The following LONRF2 variants were observed in gnomAD, a reference collection of about 807,000 sequenced individuals.
The protein encoded by LONRF2 is LON peptidase N-terminal domain and ring finger 2, also known as LON peptidase N-terminal domain and RING finger protein 2.
A neutral mutation model predicts 66.6 loss-of-function variants in LONRF2; 35 were observed. The observed-to-expected ratio is 0.53, with a 90% CI of 0.40 to 0.70. The LOEUF (loss-of-function observed/expected upper bound fraction) is 0.70, where lower values mean the gene tolerates loss of function less well. Ranked by LOEUF, LONRF2 falls within the 30% of genes least tolerant of loss-of-function variation. The pLI, the probability that LONRF2 is intolerant of heterozygous loss-of-function variation, is 0.00. For missense variants in LONRF2, 902 were observed against 1,002.1 expected (o/e 0.90, Z 1.35); for synonymous variants, 417 against 418.1 (o/e 1.00, Z 0.03).
intron 9 of LONRF2, among the ~76,000 whole-genome samples, chr2:100,291,944 A>G (rs949926576): frequency 1.3e-5 from 2 of 152,210 alleles, no homozygotes; most frequent in Admixed American, 1.3e-4. Context: ...ACGGAGGCTC[A>G]GAGGAATTAA....
At chr2:100,287,408 A>T (rs1464357240) in intron 10 of LONRF2, among the ~76,000 whole-genome samples, 1 of 152,184 alleles carries the variant, frequency 6.6e-6, no homozygotes, top group African/African-American at 2.4e-5. Flanking sequence ...TTTTATTTTT[A>T]AAAATAACAC....
chr2:100,292,172 A>C (rs764828), intron 9 of LONRF2, among the ~76,000 whole-genome samples: 56,846 of 152,060 alleles, frequency 0.37, 11,706 homozygotes, highest in East Asian at 0.49. Context: ...GTGAAACTGG[A>C]GGCGCCCTGA....
Position 100,299,928 on chromosome 2 carries a change from T to C in LONRF2, c.1066-10A>G, listed in dbSNP as rs370175541. 2.7e-4 allele frequency: 417 copies of C among 1,550,340 alleles called. 1 individual carries two copies. Among genetic ancestry groups the C allele is most frequent in the Non-Finnish European group, 3.2e-4 (363 of 1,140,002 alleles). ...ATTTCTCAGATGAATTCTGGTTAAGTGGGAAAAAAAGGAATCCTGAGTATT... is the reference window on the plus strand; with the variant it reads ...ATTTCTCAGATGAATTCTGGTTAAGCGGGAAAAAAAGGAATCCTGAGTATT... On this transcript the variant is annotated splice_polypyrimidine_tract_variant and intron_variant, in intron 4 of 11. Transcript: ENST00000393437.
At position 100,309,109 on chromosome 2, in the gene LONRF2, T is replaced by C. The variant is rs1304220951; in HGVS notation, c.796A>G (p.Lys266Glu). 1.3e-6 allele frequency: 2 copies of C among 1,560,190 alleles called. No homozygotes were observed. Among genetic ancestry groups the C allele is most frequent in the African/African-American group, 2.8e-5 (2 of 72,542 alleles). ...CCAAAGCTAACAAATACAAATACCTTAATCAAGAGAGGTTCATTCTGACAA... is the reference window on the plus strand; with the variant it reads ...CCAAAGCTAACAAATACAAATACCTCAATCAAGAGAGGTTCATTCTGACAA... ...AACQNEPLLI[K>E]GHQVKAQALS... Residue 266 changes from lysine to glutamate, a missense_variant and splice_region_variant, in exon 2 of 12, where the codon AAG becomes GAG. Coordinates refer to ENST00000393437, the MANE Select transcript of LONRF2 (RefSeq NM_198461.4).
Position 100,276,599 on chromosome 2 carries a change from T to C in LONRF2, c.*7699A>G, listed in dbSNP as rs1010685592. 3 of 152,166 alleles carry C rather than the reference T, an allele frequency of 2.0e-5. No homozygotes were observed. The highest frequency in any genetic ancestry group is 2.9e-5 in the Non-Finnish European group (2 of 68,030). 9.4% of individuals were successfully genotyped at this position (152,166 alleles called of 1,614,324 possible). On this transcript the variant is annotated 3_prime_UTR_variant, in exon 12 of 12. Coordinates refer to ENST00000393437, the MANE Select transcript of LONRF2 (RefSeq NM_198461.4). Reference sequence around the variant, plus strand: ...ATTAATAAAGGGGTGATTATACCCTTGTTTCTCCATTGAACAGCCCAATCT... The same window carrying C: ...ATTAATAAAGGGGTGATTATACCCTCGTTTCTCCATTGAACAGCCCAATCT...
At position 100,300,772 on chromosome 2, in the gene LONRF2, G is replaced by T. The variant is rs767832085; in HGVS notation, c.937C>A (p.Leu313Met). Residue 313 changes from leucine (L) to methionine (M), a missense_variant, in exon 4 of 12, where the codon CTG becomes ATG. Physicochemically the swap from Leu to Met is conservative, Grantham distance 15. Coordinates refer to ENST00000393437, the MANE Select transcript of LONRF2 (RefSeq NM_198461.4). ...KEAQKVMCEV[L>M]FSATANVHEN... Reference sequence around the variant, plus strand: ...TGCACATTTGCTGTAGCTGAAAACAGCACTTCACACATTACCTATAAAATT... The same window carrying T: ...TGCACATTTGCTGTAGCTGAAAACATCACTTCACACATTACCTATAAAATT... The T allele has an allele frequency of 1.2e-6, 2 of 1,604,428 alleles. No individual in the cohort carries two copies.
chr2:100,301,282 G>A (rs1469432906), intron 3 of LONRF2, among the ~76,000 whole-genome samples: 1 of 152,214 alleles, frequency 6.6e-6, no homozygotes, highest in Admixed American at 6.5e-5. Flanking sequence ...AATGGCATTG[G>A]TGGGGGCAGG....
At chr2:100,295,654 T>C (rs1452923583) in intron 7 of LONRF2, 101 bp from the exon 8 acceptor site, 44 of 1,221,284 alleles carry the variant, frequency 3.6e-5, no homozygotes, top group Non-Finnish European at 2.4e-5. Context: ...GTGGGATCTC[T>C]GAGCAGGTAA....
intron 1 of LONRF2, among the ~76,000 whole-genome samples, chr2:100,312,610 C>G (rs1437967): frequency 0.61 from 92,347 of 151,986 alleles, 29,473 homozygotes; most frequent in African/African-American, 0.81. Context: ...TTTAACTGAA[C>G]TCCAAATTTC....
chr2:100,321,852 A>C lies in LONRF2; in HGVS notation c.242T>G (p.Phe81Cys). Residue 81 changes from phenylalanine to cysteine, a missense_variant, in exon 1 of 12, where the codon TTC (phenylalanine) becomes TGC (cysteine). Transcript: ENST00000393437. ...AGRLPEALGA[F>C]RGAARLGALR... ...CGCCCCGAGCCGCGCGGCGCCGCGG[A>C]ACGCGCCCAGGGCTTCGGGGAGGCG... 1 of 1,173,670 alleles carries C rather than the reference A, an allele frequency of 8.5e-7. No homozygotes were observed. 72.7% of individuals were successfully genotyped at this position (1,173,670 alleles called of 1,614,324 possible).
chr2:100,276,343 G>A lies in LONRF2; in HGVS notation c.*7955C>T, dbSNP rs1302545811. ...AAGGCAACTAAATATAAAATGGGGG[G>A]TGGATGGGTAAGGTATGCTTCACTT... On this transcript the variant is annotated 3_prime_UTR_variant, in exon 12 of 12. Coordinates refer to ENST00000393437, the MANE Select transcript of LONRF2 (RefSeq NM_198461.4). The A allele has an allele frequency of 6.6e-6, 1 of 152,136 alleles. No homozygotes were observed. The highest frequency in any genetic ancestry group is 1.5e-5 in the Non-Finnish European group (1 of 68,026). 9.4% of individuals were successfully genotyped at this position (152,136 alleles called of 1,614,324 possible).
Position 100,276,792 on chromosome 2 carries a change from C to T in LONRF2, c.*7506G>A, listed in dbSNP as rs1674609989. On this transcript the variant is annotated 3_prime_UTR_variant, in exon 12 of 12. Transcript: ENST00000393437. ...GCTCTTACAGATTTGGCTAACATGT[C>T]CCATTAAGTGTCTACTTGCACAGCT... The T allele has an allele frequency of 6.6e-6, 1 of 152,206 alleles. No individual in the cohort carries two copies. The highest frequency in any genetic ancestry group is 2.1e-4 in the South Asian group (1 of 4,834). The allele number at this position is 152,206 out of a possible 1,614,324, so 9.4% of individuals were successfully genotyped here.
At chr2:100,320,313 A>G (rs1181536011) in intron 1 of LONRF2, among the ~76,000 whole-genome samples, 4 of 152,246 alleles carry the variant, frequency 2.6e-5, no homozygotes, top group Non-Finnish European at 5.9e-5. Context: ...TATGCCTGTT[A>G]AAGTATGGAT....
In LONRF2 at chr2:100,274,826, C is replaced by G. The variant is rs1313348736; in HGVS notation, c.*9472G>C. On this transcript the variant is annotated 3_prime_UTR_variant, in exon 12 of 12. Coordinates refer to ENST00000393437, the MANE Select transcript of LONRF2 (RefSeq NM_198461.4). The stretch of plus-strand genomic sequence containing the variant: ...TGCCTCCTGACCACTCTGGTGCGTC[C>G]TCCTCCTGTGGCCCTGCGTGGCCTG... The G allele has an allele frequency of 6.5e-6, 1 of 152,686 alleles. No individual in the cohort carries two copies. Among genetic ancestry groups the G allele is most frequent in the African/African-American group, 2.4e-5 (1 of 41,480 alleles). The allele number at this position is 152,686 out of a possible 1,614,324, so 9.5% of individuals were successfully genotyped here.
chr2:100,283,874 A>G lies in LONRF2; in HGVS notation c.*424T>C, dbSNP rs938404081. The stretch of plus-strand genomic sequence containing the variant: ...CCTGTGTTCTAAGAAATCCACTTCC[A>G]GATAAAAACGTGGTTCCCCCATATT... On this transcript the variant is annotated 3_prime_UTR_variant, in exon 12 of 12. Coordinates refer to ENST00000393437, the MANE Select transcript of LONRF2 (RefSeq NM_198461.4). The G allele has an allele frequency of 6.5e-6, 1 of 154,090 alleles. No individual in the cohort carries two copies. The highest frequency in any genetic ancestry group is 1.4e-5 in the Non-Finnish European group (1 of 69,402). The allele number at this position is 154,090 out of a possible 1,614,324, so 9.5% of individuals were successfully genotyped here.
chr2:100,290,630 G>T (rs927072964), intron 9 of LONRF2, among the ~76,000 whole-genome samples: 9 of 152,210 alleles, frequency 5.9e-5, no homozygotes, highest in African/African-American at 2.2e-4. Context: ...GGCTGCAGGG[G>T]AAGGGCTCCA....
chr2:100,309,015 T>C (rs914059117), intron 2 of LONRF2, 92 bp downstream of exon 2: 46 of 813,172 alleles, frequency 5.7e-5, no homozygotes, highest in Non-Finnish European at 8.5e-5. Context: ...ACTTTGTCTA[T>C]AGGTACCTGA....
chr2:100,293,386 T>C (rs1279694863), intron 9 of LONRF2, among the ~76,000 whole-genome samples: 1 of 152,232 alleles, frequency 6.6e-6, no homozygotes, highest in Non-Finnish European at 1.5e-5. Flanking sequence ...TCTCCTCTTC[T>C]TCCTGGGCAC....
In LONRF2 at chr2:100,280,020, CTCAA is replaced by C. The variant is rs1209054038; in HGVS notation, c.*4274_*4277del. On this transcript the variant is annotated 3_prime_UTR_variant, in exon 12 of 12. Coordinates refer to ENST00000393437, the MANE Select transcript of LONRF2 (RefSeq NM_198461.4). ...TCAATGGCATCCACCTTTCTGCGTC[CTCAA>C]TCAGTTACTTTTATCAGACCTGGGT... The C allele has an allele frequency of 3.3e-5, 5 of 152,192 alleles. No homozygotes were observed. Among genetic ancestry groups the C allele is most frequent in the African/African-American group, 7.2e-5 (3 of 41,442 alleles). 9.4% of individuals were successfully genotyped at this position (152,192 alleles called of 1,614,324 possible). A position where few individuals can be genotyped will look rare whatever the true frequency, so the allele number is the denominator to read the frequency against.
Sources: allele counts gnomAD v4.1 joint callset (sites outside exome capture counted in the v4.1 genomes callset), GRCh38; gene constraint gnomAD v4.1.1; transcripts MANE v1.5; gene names NCBI Gene and HGNC (gene_info 2026-07-23, HGNC 2026-07-21).